AUTS2: variants seen among roughly 807,000 people sequenced by gnomAD.
The protein encoded by AUTS2 is autism susceptibility gene 2 protein.
In AUTS2, 17 loss-of-function variants were observed where a neutral mutation model predicts 112.4. The observed-to-expected ratio is 0.15, with a 90% CI of 0.10 to 0.23. AUTS2 has a LOEUF of 0.23. Ranked by LOEUF, AUTS2 falls within the 10% of genes least tolerant of loss-of-function variation. The pLI is 1.00. For missense variants in AUTS2, 1,510 were observed against 1,701.6 expected (o/e 0.89, Z 1.98); for synonymous variants, 751 against 702.7 (o/e 1.07, Z -1.09).
chr7:70,790,554 A>G lies in AUTS2; in HGVS notation c.3338A>G (p.Asp1113Gly). The G allele has an allele frequency of 6.2e-7, 1 of 1,604,632 alleles. No homozygotes were observed. The highest frequency in any genetic ancestry group is 1.7e-4 in the Middle Eastern group (1 of 6,050). ...TCGACTCCCCGGCTGTACGAAGCCGACCGCTCCTTCAGGGACCGGGAGCCT... is the reference window on the plus strand; with the variant it reads ...TCGACTCCCCGGCTGTACGAAGCCGGCCGCTCCTTCAGGGACCGGGAGCCT... ...RLSTPRLYEADRSFRDREPHD... is the reference protein window; with the variant it reads ...RLSTPRLYEAGRSFRDREPHD... The change falls in exon 19 of 19, where the codon GAC becomes GGC. Residue 1113 changes from aspartate (D) to glycine (G), a missense_variant. Asp to Gly is a moderately conservative substitution (Grantham distance 94, BLOSUM62 -1). Around this residue, in one of 3 missense-constraint regions of AUTS2, gnomAD observed 788 missense variants for 797.6 expected, o/e 0.99. Coordinates refer to ENST00000342771, the MANE Select transcript of AUTS2 (RefSeq NM_015570.4). The surrounding 1 kb of genome is among the most constrained non-coding windows in gnomAD (Gnocchi z 7.6).
At chr7:69,905,920 G>A (rs1346737486) in intron 2 of AUTS2, among the ~76,000 whole-genome samples, 1 of 152,224 alleles carries the variant, frequency 6.6e-6, no homozygotes, top group Non-Finnish European at 1.5e-5. Flanking sequence ...ACCTACAGGA[G>A]TTGTTCCATA....
Position 70,077,015 on chromosome 7 carries a change from G to C in AUTS2, c.523-41117G>C, listed in dbSNP as rs146140067. On this transcript the variant is annotated intron_variant, in intron 2 of 18. Transcript: ENST00000342771. Reference sequence around the variant, plus strand: ...ATAACTGTCTTCAATTATTTAAAGGGCTGTCATGTAGAAGAGGAATTAGAC... The same window carrying C: ...ATAACTGTCTTCAATTATTTAAAGGCCTGTCATGTAGAAGAGGAATTAGAC... Among the ~76,000 whole-genome samples, 13 of 152,270 alleles carry C rather than the reference G, an allele frequency of 8.5e-5. No individual in the cohort carries two copies. In the East Asian group the frequency reaches 2.5e-3, roughly 29 times the overall value.
chr7:69,829,744 T>C (rs1179661825), intron 1 of AUTS2, among the ~76,000 whole-genome samples: 2 of 152,144 alleles, frequency 1.3e-5, no homozygotes, highest in African/African-American at 4.8e-5. Flanking sequence ...CAACAGATGC[T>C]GGAGAGGCTG....
chr7:70,687,984 C>G (rs1402446198), intron 5 of AUTS2, among the ~76,000 whole-genome samples: 1 of 152,214 alleles, frequency 6.6e-6, no homozygotes, highest in Non-Finnish European at 1.5e-5. Flanking sequence ...ACAAGTAGGA[C>G]AACCTCGGCC....
chr7:70,541,254 T>A (rs1247564543), intron 5 of AUTS2, among the ~76,000 whole-genome samples: 1 of 152,200 alleles, frequency 6.6e-6, no homozygotes, highest in East Asian at 1.9e-4. Flanking sequence ...TTGTTCTGTT[T>A]GTTCTGAGCT....
At chr7:69,684,379 G>T (rs1204294293) in intron 1 of AUTS2, among the ~76,000 whole-genome samples, 1 of 152,156 alleles carries the variant, frequency 6.6e-6, no homozygotes, top group Non-Finnish European at 1.5e-5. Context: ...GGTTCATGAG[G>T]GAGGGATTGA....
At chr7:70,290,502 A>G (rs922553855) in intron 4 of AUTS2, 2 of 1,540,532 alleles carry the variant, frequency 1.3e-6, no homozygotes, top group African/African-American at 1.4e-5. Flanking sequence ...TGCTTAAAGG[A>G]TTCTAGTTCC....
chr7:69,990,556 G>A (rs186319129), intron 2 of AUTS2, among the ~76,000 whole-genome samples: 22 of 152,178 alleles, frequency 1.4e-4, no homozygotes, highest in Admixed American at 1.4e-3. Flanking sequence ...GAGGTGGAGG[G>A]AAAATGTGGA....
At chr7:70,456,136 C>T (rs561033923) in intron 5 of AUTS2, among the ~76,000 whole-genome samples, 9 of 152,306 alleles carry the variant, frequency 5.9e-5, no homozygotes, top group African/African-American at 1.9e-4. Flanking sequence ...TTCCCCCTAA[C>T]CCAGCACGGA....
At chr7:69,703,655 A>G (rs1055819203) in intron 1 of AUTS2, among the ~76,000 whole-genome samples, 3 of 152,180 alleles carry the variant, frequency 2.0e-5, no homozygotes, top group Non-Finnish European at 4.4e-5. Flanking sequence ...GGGTGGAAGT[A>G]CGAATATTAA....
chr7:69,890,949 C>T (rs1251948735), intron 1 of AUTS2, among the ~76,000 whole-genome samples: 5 of 152,208 alleles, frequency 3.3e-5, no homozygotes, highest in Admixed American at 6.5e-5. Flanking sequence ...TTGTGCATGA[C>T]GGCAAGGGCC....
chr7:70,782,070 G>C (rs1303822450), intron 15 of AUTS2: 2 of 310,360 alleles, frequency 6.4e-6, no homozygotes, highest in Non-Finnish European at 1.2e-5. Flanking sequence ...AGATCTGAAG[G>C]CTTGCAAGGG....
At chr7:70,577,280 C>T (rs1802210228) in intron 5 of AUTS2, among the ~76,000 whole-genome samples, 1 of 152,150 alleles carries the variant, frequency 6.6e-6, no homozygotes, top group Non-Finnish European at 1.5e-5. Flanking sequence ...AAGCCTAGAG[C>T]CAGCTTCCTG....
intron 1 of AUTS2, among the ~76,000 whole-genome samples, chr7:69,710,234 C>T (rs1286666205): frequency 1.3e-5 from 2 of 152,128 alleles, no homozygotes; most frequent in Non-Finnish European, 2.9e-5. Flanking sequence ...TATAGTTTGT[C>T]AGGGTTTAGA....
chr7:70,116,251 C>T (rs1217284389), intron 2 of AUTS2, among the ~76,000 whole-genome samples: 2 of 152,064 alleles, frequency 1.3e-5, no homozygotes, highest in African/African-American at 4.8e-5. Flanking sequence ...AGAAGGCTTC[C>T]CGGAGAAAGG....
intron 5 of AUTS2, among the ~76,000 whole-genome samples, chr7:70,441,137 C>T (rs1796107128): frequency 6.6e-6 from 1 of 152,182 alleles, no homozygotes; most frequent in African/African-American, 2.4e-5. Context: ...TACACACATA[C>T]ACAATCTCAC....
intron 2 of AUTS2, among the ~76,000 whole-genome samples, chr7:70,088,425 C>G (rs1584702664): frequency 2.0e-5 from 3 of 152,178 alleles, no homozygotes; most frequent in South Asian, 4.1e-4. Flanking sequence ...CCGTGCCTGG[C>G]CACAGGTTTC....
chr7:70,387,918 C>A (rs960664128), intron 4 of AUTS2, among the ~76,000 whole-genome samples: 1 of 152,150 alleles, frequency 6.6e-6, no homozygotes. Context: ...CCCTAGGCAG[C>A]AATCTTTCAA....
At chr7:69,972,704 C>T (rs1797903397) in intron 2 of AUTS2, among the ~76,000 whole-genome samples, 4 of 149,724 alleles carry the variant, frequency 2.7e-5, no homozygotes, top group South Asian at 2.1e-4. Context: ...TGTGTGTGCA[C>T]GTTCCTGTAT....
Sources: gnomAD v4.1 joint callset for allele counts (sites outside exome capture counted in the v4.1 genomes callset) on GRCh38, gnomAD v4.1.1 for gene constraint, gnomAD v4.1.1 regional missense constraint, Gnocchi (gnomAD v3.1) non-coding constraint, MANE v1.5 for transcripts, NCBI Gene and HGNC (gene_info 2026-07-23, HGNC 2026-07-21) for gene names.